The following C3orf20 variants were observed in gnomAD, a reference collection of about 807,000 sequenced individuals.
The protein encoded by C3orf20 is family with sequence similarity 149 member C, also known as uncharacterized protein C3orf20.
Under a neutral mutation model 88.3 loss-of-function variants are expected in C3orf20, and 76 were observed. That is an observed-to-expected ratio of 0.86 (90% CI 0.72 to 1.04). C3orf20 has a LOEUF of 1.04. Among genes scored for constraint, C3orf20 ranks in the 50% least tolerant of loss-of-function variants. The pLI is 0.00. For synonymous variants in C3orf20, 436 were observed against 437.4 expected, an observed-to-expected ratio of 1.00 and a Z score of 0.04; for missense variants, 1,056 against 1,123.3, an observed-to-expected ratio of 0.94 and a Z score of 0.86.
At chr3:14,747,117 G>T (rs570716119) in intron 12 of C3orf20, among the ~76,000 whole-genome samples, 3 of 152,306 alleles carry the variant, frequency 2.0e-5, no homozygotes, top group African/African-American at 7.2e-5. Flanking sequence ...TGTTGTCAAA[G>T]TTACCAACTA....
At chr3:14,734,678 C>T (rs1334503518) in intron 12 of C3orf20, among the ~76,000 whole-genome samples, 3 of 151,794 alleles carry the variant, frequency 2.0e-5, no homozygotes, top group Admixed American at 6.6e-5. Context: ...TTTGATACAG[C>T]GTTTTATAAA....
chr3:14,678,759 C>T (rs138463140), intron 1 of C3orf20, among the ~76,000 whole-genome samples: 1 of 152,264 alleles, frequency 6.6e-6, no homozygotes, highest in Non-Finnish European at 1.5e-5. Flanking sequence ...CAGTGCTGGG[C>T]TTAGCATTGT....
At chr3:14,734,478 G>A (rs1042135438) in intron 12 of C3orf20, among the ~76,000 whole-genome samples, 4 of 151,868 alleles carry the variant, frequency 2.6e-5, no homozygotes, top group African/African-American at 4.8e-5. Flanking sequence ...AGTGTGTAAC[G>A]TAATTATACC....
intron 15 of C3orf20, among the ~76,000 whole-genome samples, chr3:14,762,825 T>C (rs2035599267): frequency 6.6e-6 from 1 of 152,146 alleles, no homozygotes; most frequent in African/African-American, 2.4e-5. Context: ...TCTTATGCCC[T>C]TCTCACTGCA....
chr3:14,771,209 A>C (rs1359930995), intron 15 of C3orf20, among the ~76,000 whole-genome samples: 1 of 152,266 alleles, frequency 6.6e-6, no homozygotes, highest in Non-Finnish European at 1.5e-5. Context: ...GTGATGCAGC[A>C]GGTCCTCACC....
At chr3:14,736,077 A>C (rs1354726624) in intron 12 of C3orf20, among the ~76,000 whole-genome samples, 1 of 152,202 alleles carries the variant, frequency 6.6e-6, no homozygotes, top group Non-Finnish European at 1.5e-5. Flanking sequence ...GTTGAAATAA[A>C]GTTTTTCAAA....
At chr3:14,721,591 A>G (rs1035664668) in intron 9 of C3orf20, 62 bp from the exon 10 acceptor site, 1 of 1,594,152 alleles carries the variant, frequency 6.3e-7, no homozygotes, top group Admixed American at 1.7e-5. Flanking sequence ...GTGGTGGGTC[A>G]GGAAGGGGTG....
intron 5 of C3orf20, among the ~76,000 whole-genome samples, chr3:14,695,071 G>A (rs181988894): frequency 4.3e-4 from 66 of 152,286 alleles, no homozygotes; most frequent in Non-Finnish European, 8.1e-4. Flanking sequence ...GATTACAGGA[G>A]TAAGCCACCA....
intron 13 of C3orf20, 38 bp from the exon 14 acceptor site, chr3:14,759,853 C>T (rs1233911958): frequency 1.3e-6 from 2 of 1,537,660 alleles, no homozygotes; most frequent in Admixed American, 3.3e-5. Context: ...ATCTTATTGG[C>T]ATGGGGGTGA....
chr3:14,758,992 G>T (rs1269903293), intron 13 of C3orf20, among the ~76,000 whole-genome samples: 1 of 152,188 alleles, frequency 6.6e-6, no homozygotes, highest in African/African-American at 2.4e-5. Context: ...GCTTATTATG[G>T]GGCTAGTCGT....
chr3:14,721,651 A>T lies in C3orf20; in HGVS notation c.1435-2A>T. 6.2e-7 allele frequency: 1 copy of T among 1,614,064 alleles called. No homozygotes were observed. The highest frequency in any genetic ancestry group is 8.5e-7 in the Non-Finnish European group (1 of 1,179,958). ...CTCTGAGTACTGTTTCTTCATCTAC[A>T]GGTGAATGAGGAAATGAAACTAAAG... On this transcript the variant is annotated splice_acceptor_variant, in intron 9 of 16. Coordinates refer to ENST00000253697, the MANE Select transcript of C3orf20 (RefSeq NM_032137.5). LOFTEE classifies it high-confidence loss of function.
chr3:14,707,945 G>A (rs572538039), intron 7 of C3orf20, among the ~76,000 whole-genome samples: 68 of 149,496 alleles, frequency 4.5e-4, no homozygotes, highest in African/African-American at 1.5e-3. Context: ...TTAGCCTCCC[G>A]AGTAGCTGGG....
intron 12 of C3orf20, among the ~76,000 whole-genome samples, chr3:14,734,265 T>C (rs2124998764): frequency 6.6e-6 from 1 of 152,240 alleles, no homozygotes; most frequent in South Asian, 2.1e-4. Context: ...TTATATTCTT[T>C]TTCTGACTTC....
chr3:14,761,353 C>T (rs1461682069), intron 14 of C3orf20, 120 bp from the exon 15 acceptor site: 16 of 1,199,164 alleles, frequency 1.3e-5, no homozygotes, highest in South Asian at 3.9e-5. Flanking sequence ...TGCCTCACGG[C>T]GTAAGCTCTG....
At chr3:14,685,449 T>C (rs1253881206) in intron 4 of C3orf20, among the ~76,000 whole-genome samples, 1 of 122,894 alleles carries the variant, frequency 8.1e-6, no homozygotes, top group Non-Finnish European at 1.7e-5. Flanking sequence ...CCTCTCTCTC[T>C]CTCTCTCTGT....
chr3:14,728,750 A>C, intron 12 of C3orf20, 62 bp downstream of exon 12: 1 of 1,565,312 alleles, frequency 6.4e-7, no homozygotes, highest in Non-Finnish European at 8.7e-7. Flanking sequence ...TGGGCACAGG[A>C]TAGTGAACCC....
At chr3:14,770,617 T>C (rs1466230726) in intron 15 of C3orf20, among the ~76,000 whole-genome samples, 1 of 151,658 alleles carries the variant, frequency 6.6e-6, no homozygotes, top group Non-Finnish European at 1.5e-5. Context: ...TCAAGCCCCC[T>C]CCCCAAGCCA....
At chr3:14,751,731 A>G (rs1302251707) in intron 12 of C3orf20, among the ~76,000 whole-genome samples, 5 of 152,204 alleles carry the variant, frequency 3.3e-5, no homozygotes, top group East Asian at 1.9e-4. Context: ...CCCATTCACA[A>G]TTACTACCAA....
chr3:14,765,177 G>C (rs2035670680), intron 15 of C3orf20: 3 of 152,268 alleles, frequency 2.0e-5, no homozygotes, highest in Admixed American at 6.5e-5. Context: ...AGGCCTCTGT[G>C]ATTGGCCGGT....
Sources: allele counts gnomAD v4.1 joint callset (sites outside exome capture counted in the v4.1 genomes callset), GRCh38; gene constraint gnomAD v4.1.1; transcripts MANE v1.5; gene names NCBI Gene and HGNC (gene_info 2026-07-23, HGNC 2026-07-21).